PTGES3: variants seen among roughly 807,000 people sequenced by gnomAD.
The protein encoded by PTGES3 is Hsp90 co-chaperone.
A neutral mutation model predicts 29.9 loss-of-function variants in PTGES3; 5 were observed. That is an observed-to-expected ratio of 0.17 (90% CI 0.09 to 0.35). The LOEUF is 0.35. PTGES3 is among the 10% of genes least tolerant of loss of function. The pLI is 1.00. For synonymous variants in PTGES3, 49 were observed against 57.8 expected, an observed-to-expected ratio of 0.85 and a Z score of 0.69; for missense variants, 128 against 190.0, an observed-to-expected ratio of 0.67 and a Z score of 1.92.
intron 5 of PTGES3, among the ~76,000 whole-genome samples, chr12:56,669,280 C>T (rs1204483572): frequency 1.3e-5 from 2 of 152,150 alleles, no homozygotes; most frequent in African/African-American, 4.8e-5. Context: ...GCAACCTCCA[C>T]CTCCCGGGTT....
intron 1 of PTGES3, among the ~76,000 whole-genome samples, chr12:56,685,120 A>AAAT (rs2137734750): frequency 6.6e-6 from 1 of 152,096 alleles, no homozygotes; most frequent in Non-Finnish European, 1.5e-5. Flanking sequence ...AAACACTTTT[A>AAAT]AAACAAGTTA....
chr12:56,671,713 A>G (rs758727810), intron 4 of PTGES3, 36 bp downstream of exon 4: 28 of 1,328,694 alleles, frequency 2.1e-5, no homozygotes, highest in African/African-American at 3.0e-5. Flanking sequence ...TAAAATAAAA[A>G]TATCAAACTT....
intron 4 of PTGES3, among the ~76,000 whole-genome samples, chr12:56,671,027 C>A (rs997278730): frequency 6.6e-6 from 1 of 152,018 alleles, no homozygotes; most frequent in African/African-American, 2.4e-5. Flanking sequence ...GTGGGAGGAT[C>A]GCTTAAGCCC....
chr12:56,687,384 G>C (rs1952926208), intron 1 of PTGES3: 1 of 987,662 alleles, frequency 1.0e-6, no homozygotes, highest in Non-Finnish European at 1.2e-6. Flanking sequence ...GTGTTTTCAA[G>C]AGACTGGAGT....
At chr12:56,687,522 G>C (rs1402559201) in intron 1 of PTGES3, 7 of 1,002,392 alleles carry the variant, frequency 7.0e-6, no homozygotes, top group Non-Finnish European at 8.3e-6. Context: ...AGGTCCGCGT[G>C]GGGCTCTCCC....
rs1016873910 is a variant in PTGES3, at chr12:56,688,257, T to G, written c.-258A>C. ...GGGGCGCGAGGACGGAGAATGAACG[T>G]GCGTGCGTGCAAACGAGGGGTGGTG... On this transcript the variant is annotated 5_prime_UTR_variant, in exon 1 of 8. Coordinates refer to ENST00000262033, the MANE Select transcript of PTGES3 (RefSeq NM_006601.7). 4.4e-5 allele frequency: 25 copies of G among 562,854 alleles called. No homozygotes were observed. Among genetic ancestry groups the G allele is most frequent in the Non-Finnish European group, 7.0e-5 (25 of 356,254 alleles). The allele number at this position is 562,854 out of a possible 1,614,324, so 34.9% of individuals were successfully genotyped here.
chr12:56,687,445 G>A (rs1274228446), intron 1 of PTGES3: 1 of 988,464 alleles, frequency 1.0e-6, no homozygotes, highest in Non-Finnish European at 1.2e-6. Context: ...ACACTGGAGA[G>A]GGAAGTATGT....
chr12:56,676,105 A>C (rs1347429066), intron 1 of PTGES3, among the ~76,000 whole-genome samples: 1 of 147,554 alleles, frequency 6.8e-6, no homozygotes, highest in East Asian at 1.9e-4. Context: ...GTATGCCTGT[A>C]ATACCAGCTA....
intron 1 of PTGES3, among the ~76,000 whole-genome samples, chr12:56,681,042 G>A (rs1473798368): frequency 1.3e-5 from 2 of 152,078 alleles, no homozygotes; most frequent in Non-Finnish European, 2.9e-5. Flanking sequence ...AAAGTGCTGG[G>A]ATTACAGGTG....
intron 6 of PTGES3, chr12:56,665,972 A>G (rs936344729): frequency 9.5e-6 from 12 of 1,264,886 alleles, no homozygotes; most frequent in Non-Finnish European, 5.0e-6. Context: ...GTCTCTATAC[A>G]ATGATTCTTT....
intron 1 of PTGES3, among the ~76,000 whole-genome samples, chr12:56,684,521 A>G (rs1298871528): frequency 6.6e-6 from 1 of 152,232 alleles, no homozygotes; most frequent in African/African-American, 2.4e-5. Flanking sequence ...ATTCGTTCCT[A>G]CACAGCTGAA....
At chr12:56,665,601 AT>A in intron 6 of PTGES3, 1 of 985,454 alleles carries the variant, frequency 1.0e-6, no homozygotes, top group Non-Finnish European at 1.2e-6. Flanking sequence ...CATAAAACCT[AT>A]TTAACTTACT....
At chr12:56,687,231 C>A (rs748565308) in intron 1 of PTGES3, 316 of 1,028,198 alleles carry the variant, frequency 3.1e-4, no homozygotes, top group Non-Finnish European at 3.5e-4. Flanking sequence ...TACACTGTAA[C>A]AAGATAGTGA....
intron 1 of PTGES3, among the ~76,000 whole-genome samples, chr12:56,676,232 C>CAAAAA (rs60053201): frequency 1.0e-4 from 13 of 129,946 alleles, no homozygotes; most frequent in Non-Finnish European, 1.5e-4. Flanking sequence ...TCTCCCCCCC[C>CAAAAA]AAAAAAAAAA....
chr12:56,672,379 A>C (rs941011832), intron 3 of PTGES3, among the ~76,000 whole-genome samples: 1 of 152,188 alleles, frequency 6.6e-6, no homozygotes, highest in Non-Finnish European at 1.5e-5. Flanking sequence ...CTGTAATCCC[A>C]GCTGCTCCAG....
chr12:56,668,750 CA>C (rs373338330), intron 5 of PTGES3, among the ~76,000 whole-genome samples: 4 of 152,098 alleles, frequency 2.6e-5, no homozygotes, highest in African/African-American at 9.7e-5. Flanking sequence ...CTTAAGGTCT[CA>C]AAATACAAAA....
At chr12:56,683,331 G>A (rs1296721768) in intron 1 of PTGES3, among the ~76,000 whole-genome samples, 2 of 151,594 alleles carry the variant, frequency 1.3e-5, no homozygotes, top group African/African-American at 2.4e-5. Context: ...TAATTAGCCG[G>A]GCATGGTGGC....
intron 3 of PTGES3, among the ~76,000 whole-genome samples, chr12:56,672,443 G>A (rs766102431): frequency 6.0e-4 from 91 of 152,238 alleles, no homozygotes; most frequent in Middle Eastern, 6.8e-3. Flanking sequence ...GCAGTGAGCC[G>A]GGATCGCTCC....
At chr12:56,686,378 A>G (rs1211093997) in intron 1 of PTGES3, among the ~76,000 whole-genome samples, 1 of 22,494 alleles carries the variant, frequency 4.4e-5, no homozygotes, top group Non-Finnish European at 1.1e-4. Flanking sequence ...ATTCAAATTT[A>G]TTTATTTATT....
Sources: allele counts gnomAD v4.1 joint callset (sites outside exome capture counted in the v4.1 genomes callset), GRCh38; gene constraint gnomAD v4.1.1; transcripts MANE v1.5; gene names NCBI Gene and HGNC (gene_info 2026-07-23, HGNC 2026-07-21).